The following CELF2 variants were observed in gnomAD, a reference collection of about 807,000 sequenced individuals.
CELF2 encodes CUG triplet repeat RNA-binding protein 2.
Under a neutral mutation model 62.6 loss-of-function variants are expected in CELF2, and 8 were observed. That is an observed-to-expected ratio of 0.13 (90% CI 0.07 to 0.23). The LOEUF is 0.23. CELF2 is among the 10% of genes least tolerant of loss of function. CELF2 has a pLI of 1.00. For synonymous variants in CELF2, 258 were observed against 250.0 expected, an observed-to-expected ratio of 1.03 and a Z score of -0.30; for missense variants, 333 against 671.0, an observed-to-expected ratio of 0.50 and a Z score of 5.56.
At chr10:10,622,860 G>C in the CELF2 span, among the ~76,000 whole-genome samples, 3 of 151,642 alleles carry the variant, frequency 2.0e-5, no homozygotes, top group Non-Finnish European at 4.4e-5. Flanking sequence ...TTGGGAGGCC[G>C]AGGTGGGTGG....
At chr10:10,796,794 T>C, upstream of CELF2, 1 of 622,414 alleles carries the variant, frequency 1.6e-6, no homozygotes, top group Non-Finnish European at 2.0e-6. Context: ...AGATTAAAAG[T>C]GTTATGTAAA....
At chr10:11,323,173 C>T (rs2095534398) in intron 11 of CELF2, among the ~76,000 whole-genome samples, 1 of 152,048 alleles carries the variant, frequency 6.6e-6, no homozygotes, top group Non-Finnish European at 1.5e-5. Context: ...CAGTAATTCC[C>T]CTTCTGAGAT....
chr10:10,808,533 T>A (rs1399077589), intron 1 of CELF2, among the ~76,000 whole-genome samples: 8 of 152,188 alleles, frequency 5.3e-5, no homozygotes, highest in African/African-American at 1.7e-4. Flanking sequence ...CTGTCAAATA[T>A]GTCAAAAGGT....
chr10:10,509,475 G>T, the CELF2 span, among the ~76,000 whole-genome samples: 3 of 152,124 alleles, frequency 2.0e-5, no homozygotes, highest in African/African-American at 7.2e-5. Flanking sequence ...GAGAACAGAG[G>T]AATCTGACCT....
the CELF2 span, among the ~76,000 whole-genome samples, chr10:10,505,337 C>T: frequency 0.038 from 5,815 of 152,126 alleles, 354 homozygotes; most frequent in African/African-American, 0.13. Context: ...TTGGGATATG[C>T]TTTCTGCATC....
intron 1 of CELF2, among the ~76,000 whole-genome samples, chr10:11,042,156 C>T (rs956847963): frequency 6.6e-6 from 1 of 152,186 alleles, no homozygotes; most frequent in African/African-American, 2.4e-5. Context: ...TTGGTTTTCT[C>T]TTATGGTAGA....
chr10:11,064,715 G>T (rs1388311272), intron 1 of CELF2, among the ~76,000 whole-genome samples: 1 of 151,996 alleles, frequency 6.6e-6, no homozygotes, highest in African/African-American at 2.4e-5. Flanking sequence ...ATATAGAGCA[G>T]GAGCACCAGG....
chr10:11,138,598 A>G (rs1199166778), intron 1 of CELF2, among the ~76,000 whole-genome samples: 2 of 152,228 alleles, frequency 1.3e-5, no homozygotes, highest in East Asian at 3.8e-4. Context: ...TCGAACAGTA[A>G]AAAGATGAGC....
the CELF2 span, among the ~76,000 whole-genome samples, chr10:10,546,232 G>A: frequency 6.6e-6 from 1 of 152,178 alleles, no homozygotes; most frequent in Non-Finnish European, 1.5e-5. Flanking sequence ...TGTGTGTGAT[G>A]TTAATTCACA....
intron 3 of CELF2, among the ~76,000 whole-genome samples, chr10:11,225,496 G>A (rs1374391709): frequency 6.6e-6 from 1 of 152,216 alleles, no homozygotes; most frequent in African/African-American, 2.4e-5. Context: ...ACTTGGTTCT[G>A]TGATGGGTTA....
chr10:10,523,847 T>C, the CELF2 span, among the ~76,000 whole-genome samples: 3 of 152,180 alleles, frequency 2.0e-5, no homozygotes, highest in Non-Finnish European at 1.5e-5. Context: ...ACAGTGTTCA[T>C]TTATTAAATG....
In CELF2 at chr10:11,214,703, G is replaced by T. The variant is rs576010147; in HGVS notation, c.272-2722G>T. On this transcript the variant is annotated intron_variant, in intron 2 of 12. Coordinates refer to ENST00000633077, the MANE Select transcript of CELF2 (RefSeq NM_001326342.2). The surrounding 1 kb of genome is among the most constrained non-coding windows in gnomAD (Gnocchi z 4.2). ...AGTGTTACCTACGGTATCCTCCTGC[G>T]TGTCACACTGGAACTAGAGCTTCTC... 6.6e-6 allele frequency among the ~76,000 whole-genome samples: 1 copy of T among 152,210 alleles called. No individual in the cohort carries two copies.
intron 11 of CELF2, among the ~76,000 whole-genome samples, chr10:11,322,692 T>G (rs1034547873): frequency 2.0e-5 from 3 of 152,064 alleles, no homozygotes; most frequent in African/African-American, 7.2e-5. Flanking sequence ...ATAAATAACA[T>G]GGATATCACT....
chr10:10,808,542 G>A (rs79341133), intron 1 of CELF2, among the ~76,000 whole-genome samples: 1 of 152,108 alleles, frequency 6.6e-6, no homozygotes, highest in African/African-American at 2.4e-5. Context: ...ATGTCAAAAG[G>A]TTCGATTACT....
Position 11,267,139 on chromosome 10 carries a change from C to T in CELF2, c.618+462C>T, listed in dbSNP as rs1173834700. On this transcript the variant is annotated intron_variant, in intron 6 of 12. Coordinates refer to ENST00000633077, the MANE Select transcript of CELF2 (RefSeq NM_001326342.2). This position sits in a 1 kb window ranked among gnomAD's most constrained non-coding sequence, Gnocchi z 4.4. ...TCAAGTTATCTTCCATCTAGTCAAA[C>T]AGCATTGTGTTTTTACATCAAGAAT... Among the ~76,000 whole-genome samples, 3 of 152,204 alleles carry T rather than the reference C, an allele frequency of 2.0e-5. No individual in the cohort carries two copies. Among genetic ancestry groups the T allele is most frequent in the Non-Finnish European group, 4.4e-5 (3 of 68,034 alleles).
At chr10:10,718,431 C>A in the CELF2 span, among the ~76,000 whole-genome samples, 1 of 152,084 alleles carries the variant, frequency 6.6e-6, no homozygotes. Flanking sequence ...CGAGACCAAC[C>A]TGGCCAACAT....
intron 1 of CELF2, among the ~76,000 whole-genome samples, chr10:10,826,062 A>T (rs2057364441): frequency 1.3e-5 from 2 of 152,236 alleles, no homozygotes; most frequent in East Asian, 3.8e-4. Context: ...TGTAGAGCCA[A>T]ACAAATGCCA....
Position 11,246,505 on chromosome 10 carries a change from T to C in CELF2, c.355-2648T>C, listed in dbSNP as rs1020314608. On this transcript the variant is annotated intron_variant, in intron 3 of 12. Coordinates refer to ENST00000633077, the MANE Select transcript of CELF2 (RefSeq NM_001326342.2). This position sits in a 1 kb window ranked among gnomAD's most constrained non-coding sequence, Gnocchi z 4.6. ...CCCCTCTACTTCCCATGACCAGTTG[T>C]TCACTGCCCCTCCACAGAACCTACT... 2.6e-5 allele frequency among the ~76,000 whole-genome samples: 4 copies of C among 152,190 alleles called. No homozygotes were observed. Among genetic ancestry groups the C allele is most frequent in the Non-Finnish European group, 4.4e-5 (3 of 68,038 alleles).
chr10:10,746,673 C>T, the CELF2 span, among the ~76,000 whole-genome samples: 4 of 152,138 alleles, frequency 2.6e-5, no homozygotes, highest in Non-Finnish European at 5.9e-5. Context: ...AAACCTGTTA[C>T]TAGTCTCATA....
Sources: allele counts gnomAD v4.1 joint callset (sites outside exome capture counted in the v4.1 genomes callset), GRCh38; gene constraint gnomAD v4.1.1; non-coding constraint Gnocchi (gnomAD v3.1); transcripts MANE v1.5; gene names NCBI Gene and HGNC (gene_info 2026-07-23, HGNC 2026-07-21).